The following IGF2BP1 variants were observed in gnomAD, a reference collection of about 807,000 sequenced individuals.
IGF2BP1 encodes insulin-like growth factor 2 mRNA-binding protein 1.
In IGF2BP1, 11 loss-of-function variants were observed where a neutral mutation model predicts 74.9. The observed-to-expected ratio is 0.15, with a 90% confidence interval of 0.09 to 0.24. IGF2BP1 has a LOEUF of 0.24. IGF2BP1 is among the 10% of genes least tolerant of loss of function. The pLI is 1.00. For synonymous variants in IGF2BP1, 287 were observed against 281.8 expected, an observed-to-expected ratio of 1.02 and a Z score of -0.18; for missense variants, 440 against 757.4, an observed-to-expected ratio of 0.58 and a Z score of 4.92.
At chr17:49,047,810 C>T (rs1374020685) in intron 14 of IGF2BP1, among the ~76,000 whole-genome samples, 1 of 151,762 alleles carries the variant, frequency 6.6e-6, no homozygotes. Flanking sequence ...ACCTCCCAGG[C>T]TCAAGTGATC....
At chr17:49,025,492 A>G in intron 2 of IGF2BP1, 126 bp from the exon 3 acceptor site, 2 of 832,028 alleles carry the variant, frequency 2.4e-6, no homozygotes, top group South Asian at 3.3e-5. Flanking sequence ...CTTAGATTTT[A>G]AGACTATGGT....
At chr17:49,042,497 C>A in intron 9 of IGF2BP1, 120 bp downstream of exon 9, 1 of 1,024,178 alleles carries the variant, frequency 9.8e-7, no homozygotes, top group Non-Finnish European at 1.5e-6. Flanking sequence ...TTAGTTGATG[C>A]TTTTGGACTT....
Position 48,997,602 on chromosome 17 carries a change from C to T in IGF2BP1, c.-144C>T. The T allele has an allele frequency of 1.2e-6, 1 of 861,986 alleles. No homozygotes were observed. Among genetic ancestry groups the T allele is most frequent in the Non-Finnish European group, 1.8e-6 (1 of 570,978 alleles). 53.4% of individuals were successfully genotyped at this position (861,986 alleles called of 1,614,324 possible). On this transcript the variant is annotated 5_prime_UTR_variant, in exon 1 of 15. Transcript: ENST00000290341. The surrounding 1 kb of genome is among the most constrained non-coding windows in gnomAD (Gnocchi z 4.8). ...CTCAGGCCGCCTTCCCCGCCCTGGG[C>T]TCGGGACAACTTCTGGGGTGGGGTG...
chr17:49,031,125 C>G (rs1417859100), intron 4 of IGF2BP1, among the ~76,000 whole-genome samples: 4 of 152,104 alleles, frequency 2.6e-5, no homozygotes, highest in African/African-American at 9.7e-5. Flanking sequence ...AATTTTCTTT[C>G]TTTGTTTTTC....
intron 14 of IGF2BP1, among the ~76,000 whole-genome samples, chr17:49,047,094 TAGC>T (rs2042115435): frequency 1.3e-5 from 2 of 152,224 alleles, no homozygotes; most frequent in African/African-American, 2.4e-5. Context: ...ATCCAGATCT[TAGC>T]AGGCTTGTGG....
intron 11 of IGF2BP1, 30 bp downstream of exon 11, chr17:49,044,116 T>C: frequency 6.2e-7 from 1 of 1,610,520 alleles, no homozygotes. Flanking sequence ...TTCCTGTTTC[T>C]GGAAAGGGAG....
intron 2 of IGF2BP1, among the ~76,000 whole-genome samples, chr17:49,001,354 T>C (rs2143915289): frequency 6.6e-6 from 1 of 152,290 alleles, no homozygotes; most frequent in South Asian, 2.1e-4. Context: ...ATATATACTC[T>C]TGTATTTTCC....
In IGF2BP1 at chr17:49,050,962, A is replaced by G. The variant is rs1331731360; in HGVS notation, c.*1518A>G. ...GCTGGGAAGGGAGGAAGGCCTCTCT[A>G]CATATGGAAAAGCCCATGCGTGGAG... On this transcript the variant is annotated 3_prime_UTR_variant, in exon 15 of 15. Transcript: ENST00000290341. 6.6e-6 allele frequency: 1 copy of G among 152,616 alleles called. No individual in the cohort carries two copies. The highest frequency in any genetic ancestry group is 1.9e-4 in the East Asian group (1 of 5,190). 9.5% of individuals were successfully genotyped at this position (152,616 alleles called of 1,614,324 possible). A position where few individuals can be genotyped will look rare whatever the true frequency, so the allele number is the denominator to read the frequency against.
At chr17:49,034,758 A>AAC (rs1376324361) in intron 5 of IGF2BP1, among the ~76,000 whole-genome samples, 23 of 148,732 alleles carry the variant, frequency 1.5e-4, no homozygotes, top group African/African-American at 4.9e-4. Flanking sequence ...AAAAAAAACA[A>AAC]AAAAAACAAA....
chr17:49,045,794 G>A, intron 12 of IGF2BP1, 96 bp from the exon 13 acceptor site: 1 of 1,368,902 alleles, frequency 7.3e-7, no homozygotes, highest in Non-Finnish European at 1.0e-6. Flanking sequence ...GAGGGCCTGT[G>A]GGCCAGAAAA....
intron 2 of IGF2BP1, among the ~76,000 whole-genome samples, chr17:49,003,533 TTAGAA>T (rs1182308650): frequency 6.6e-6 from 1 of 152,080 alleles, no homozygotes; most frequent in African/African-American, 2.4e-5. Context: ...GATGGGGTTG[TTAGAA>T]TAAGTTTATG....
intron 8 of IGF2BP1, 86 bp from the exon 9 acceptor site, chr17:49,042,156 G>T: frequency 6.4e-7 from 1 of 1,556,566 alleles, no homozygotes; most frequent in South Asian, 1.1e-5. Context: ...GTGGGCCTGT[G>T]ACTCAGCTGG....
At chr17:49,005,986 TGA>T (rs750944781) in intron 2 of IGF2BP1, among the ~76,000 whole-genome samples, 8 of 152,122 alleles carry the variant, frequency 5.3e-5, no homozygotes, top group African/African-American at 9.7e-5. Flanking sequence ...TGCTTAAATC[TGA>T]GAGGTGGAGG....
chr17:49,044,379 C>T (rs1598159052), intron 11 of IGF2BP1, among the ~76,000 whole-genome samples: 1 of 152,100 alleles, frequency 6.6e-6, no homozygotes, highest in Admixed American at 6.5e-5. Context: ...ATCTCATCAC[C>T]CCTTCCCCCA....
At chr17:49,014,888 C>A (rs2041674894) in intron 2 of IGF2BP1, 1 of 985,336 alleles carries the variant, frequency 1.0e-6, no homozygotes, top group South Asian at 4.7e-5. Context: ...GTTTCCTCTC[C>A]TGGCTCCTGA....
At chr17:49,016,436 G>T (rs2041703974) in intron 2 of IGF2BP1, among the ~76,000 whole-genome samples, 2 of 151,792 alleles carry the variant, frequency 1.3e-5, no homozygotes, top group South Asian at 4.2e-4. Context: ...TGTGTGTGTG[G>T]GATCATATAA....
In IGF2BP1 at chr17:48,997,560, C is replaced by G; in HGVS notation, c.-186C>G. On this transcript the variant is annotated 5_prime_UTR_variant, in exon 1 of 15. Transcript: ENST00000290341. This position sits in a 1 kb window ranked among gnomAD's most constrained non-coding sequence, Gnocchi z 4.8. ...CTCCTGGGCTCTCCCCGAACTCTCC[C>G]GCGACCTCTGCGCGCCCTCAGGCCG... is the stretch of plus-strand genomic sequence containing the variant. 1.6e-6 allele frequency: 1 copy of G among 616,350 alleles called. No homozygotes were observed. Among genetic ancestry groups the G allele is most frequent in the Non-Finnish European group, 2.8e-6 (1 of 355,724 alleles). 38.2% of individuals were successfully genotyped at this position (616,350 alleles called of 1,614,324 possible). A position where few individuals can be genotyped will look rare whatever the true frequency, so the allele number is the denominator to read the frequency against.
chr17:49,023,355 C>T (rs2041814653), intron 2 of IGF2BP1, among the ~76,000 whole-genome samples: 1 of 152,202 alleles, frequency 6.6e-6, no homozygotes, highest in Non-Finnish European at 1.5e-5. Flanking sequence ...TATTTCATCC[C>T]TGGGAGAGAT....
intron 2 of IGF2BP1, among the ~76,000 whole-genome samples, chr17:49,020,042 G>A (rs1178312514): frequency 3.5e-5 from 2 of 57,968 alleles, no homozygotes; most frequent in Non-Finnish European, 6.2e-5. Context: ...ATATATGTAT[G>A]TATTTTTTTG....
Sources: allele counts gnomAD v4.1 joint callset (sites outside exome capture counted in the v4.1 genomes callset), GRCh38; gene constraint gnomAD v4.1.1; non-coding constraint Gnocchi (gnomAD v3.1); transcripts MANE v1.5; gene names NCBI Gene and HGNC (gene_info 2026-07-23, HGNC 2026-07-21).